Variants in FRMPD1 observed in about 807,000 individuals in gnomAD.
FRMPD1 encodes the protein FERM and PDZ domain containing 1.
Under a neutral mutation model 117.8 loss-of-function variants are expected in FRMPD1, and 76 were observed. The ratio of observed to expected loss-of-function variants is 0.65; its 90% CI spans 0.54 to 0.78. FRMPD1 has a LOEUF of 0.78. FRMPD1 is among the 30% of genes least tolerant of loss of function. The pLI is 0.00. For synonymous variants in FRMPD1, 783 were observed against 770.4 expected (o/e 1.02, Z -0.27); for missense variants, 1,786 against 1,964.5 (o/e 0.91, Z 1.72).
the FRMPD1 span, among the ~76,000 whole-genome samples, chr9:37,639,811 C>T: frequency 2.7e-4 from 41 of 152,184 alleles, no homozygotes; most frequent in Admixed American, 8.5e-4. Context: ...CAGGCATGCA[C>T]CACCAGGCCT....
the FRMPD1 span, chr9:37,637,285 G>GC: frequency 6.5e-7 from 1 of 1,543,820 alleles, no homozygotes; most frequent in Non-Finnish European, 8.9e-7. Context: ...AGTCATATCC[G>GC]GGGTTCATGG....
chr9:37,745,640 A>C lies in FRMPD1; in HGVS notation c.3608A>C (p.Glu1203Ala). 2 of 1,614,180 alleles carry C rather than the reference A, an allele frequency of 1.2e-6. No homozygotes were observed. Among genetic ancestry groups the C allele is most frequent in the Admixed American group, 1.7e-5 (1 of 60,022 alleles). Residue 1203 changes from glutamate to alanine, a missense_variant, in exon 16 of 16, where the codon GAG (glutamate) becomes GCG (alanine). By Grantham distance (107) the Glu-to-Ala change is moderately radical. Transcript: ENST00000377765. ...CQAQEQKLFV[E>A]LDLDPDFFLG... ...GCTCAAGAACAAAAACTATTCGTAG[A>C]GTTGGATTTAGACCCTGATTTCTTT... is the stretch of plus-strand genomic sequence containing the variant.
In FRMPD1 at chr9:37,736,248, G is replaced by A. The variant is rs548560385; in HGVS notation, c.1401+514G>A. On this transcript the variant is annotated intron_variant, in intron 13 of 15. Transcript: ENST00000377765. ...GATCTCCTGACCTCGTGATCCACCC[G>A]CCTTGGCCTCCCAAAGTGCTGGGAT... Among the ~76,000 whole-genome samples the A allele has an allele frequency of 1.6e-4, 24 of 151,900 alleles. No individual in the cohort carries two copies. In the East Asian group the frequency reaches 2.2e-3, roughly 14 times the overall value.
chr9:37,744,746 T>G lies in FRMPD1; in HGVS notation c.2714T>G (p.Leu905Arg), dbSNP rs1451149969. ...CTGGAGACCAAGGCCTTGGGGCTGCTGGCTCCTCTGAGGGAGACCAAGAGC... is the reference window on the plus strand; with the variant it reads ...CTGGAGACCAAGGCCTTGGGGCTGCGGGCTCCTCTGAGGGAGACCAAGAGC... ...GLLETKALGL[L>R]APLRETKSTN... The change falls in exon 16 of 16, where the codon CTG becomes CGG. Residue 905 changes from leucine (L) to arginine (R), a missense_variant. Physicochemically the swap from Leu to Arg is moderately radical, Grantham distance 102. Coordinates refer to ENST00000377765, the MANE Select transcript of FRMPD1 (RefSeq NM_014907.3). 6.2e-7 allele frequency: 1 copy of G among 1,613,972 alleles called. No homozygotes were observed. Among genetic ancestry groups the G allele is most frequent in the Non-Finnish European group, 8.5e-7 (1 of 1,180,004 alleles).
chr9:37,645,100 G>GGAAAA, the FRMPD1 span, among the ~76,000 whole-genome samples: 6 of 119,590 alleles, frequency 5.0e-5, no homozygotes, highest in Admixed American at 8.2e-5. Context: ...TGAGCCAGCA[G>GGAAAA]AAAAAAAAAA....
intron 3 of FRMPD1, 86 bp downstream of exon 3, chr9:37,707,659 C>G (rs951052510): frequency 2.7e-6 from 3 of 1,121,566 alleles, no homozygotes; most frequent in East Asian, 2.4e-5. Flanking sequence ...TATCCTATAA[C>G]AAAATGCAGA....
Position 37,731,055 on chromosome 9 carries a change from G to T in FRMPD1, c.810G>T (p.Leu270=). 6.2e-7 allele frequency: 1 copy of T among 1,613,462 alleles called. No individual in the cohort carries two copies. Among genetic ancestry groups the T allele is most frequent in the Non-Finnish European group, 8.5e-7 (1 of 1,179,400 alleles). Residue 270 remains leucine, a synonymous_variant, in exon 9 of 16, where the codon CTG becomes CTT. Transcript: ENST00000377765. ...FRVCFVPKDP[L]DLLKEDPVAF... ...TCTGTTTTGTTCCCAAGGACCCCCT[G>T]GACCTCCTGAAAGAAGACCCCGTGG...
In FRMPD1 at chr9:37,650,969, C is replaced by CGAGCCCGAGCA. The variant is rs1231096423; in HGVS notation, c.-128_-118dup. 1 of 151,420 alleles carries CGAGCCCGAGCA rather than the reference C, an allele frequency of 6.6e-6. No homozygotes were observed. The highest frequency in any genetic ancestry group is 1.9e-4 in the East Asian group (1 of 5,142). The allele number at this position is 151,420 out of a possible 1,614,324, so 9.4% of individuals were successfully genotyped here. Reference sequence around the variant, plus strand: ...TCGGCGCGGGAGGCGGAGCCCGAGCCGAGCCCGAGCAGCGCTGCTTCCCGA... The same window carrying CGAGCCCGAGCA: ...TCGGCGCGGGAGGCGGAGCCCGAGCCGAGCCCGAGCAGAGCCCGAGCAGCGCTGCTTCCCGA... On this transcript the variant is annotated 5_prime_UTR_variant, in exon 1 of 16. Coordinates refer to ENST00000377765, the MANE Select transcript of FRMPD1 (RefSeq NM_014907.3).
intron 10 of FRMPD1, among the ~76,000 whole-genome samples, chr9:37,733,117 G>C (rs1451405521): frequency 6.6e-6 from 1 of 152,200 alleles, no homozygotes; most frequent in Non-Finnish European, 1.5e-5. Context: ...ATTCACAGGA[G>C]CTCTGCGTTG....
chr9:37,619,323 TTTG>T, the FRMPD1 span, among the ~76,000 whole-genome samples: 1 of 152,212 alleles, frequency 6.6e-6, no homozygotes, highest in African/African-American at 2.4e-5. Flanking sequence ...GTCAGAGATC[TTTG>T]TTATTTCCTT....
chr9:37,635,875 C>T, the FRMPD1 span, among the ~76,000 whole-genome samples: 1 of 152,154 alleles, frequency 6.6e-6, no homozygotes, highest in South Asian at 2.1e-4. Flanking sequence ...GGTGTGCTGC[C>T]TCGGGGAAAG....
At chr9:37,686,758 A>G (rs1821961898) in intron 1 of FRMPD1, among the ~76,000 whole-genome samples, 1 of 152,264 alleles carries the variant, frequency 6.6e-6, no homozygotes, top group East Asian at 1.9e-4. Flanking sequence ...TGTAGTTTGA[A>G]GACCTTCAAA....
At chr9:37,714,218 C>T (rs1823018311) in intron 5 of FRMPD1, among the ~76,000 whole-genome samples, 1 of 152,166 alleles carries the variant, frequency 6.6e-6, no homozygotes, top group South Asian at 2.1e-4. Context: ...GGTGTTAGGT[C>T]CTTTTTGTTT....
Position 37,740,218 on chromosome 9 carries a change from C to T in FRMPD1, c.1690C>T (p.Pro564Ser). 2 of 1,613,948 alleles carry T rather than the reference C, an allele frequency of 1.2e-6. No individual in the cohort carries two copies. The highest frequency in any genetic ancestry group is 1.7e-5 in the Admixed American group (1 of 60,028). The part of the protein sequence containing the change: ...IKEEQPPGNS[P>S]TPEVARRGPS... ...GGAGGAGCAGCCTCCTGGGAACAGC[C>T]CCACACCTGAGGTGGCTAGGAGGGG... The change falls in exon 15 of 16, where the codon CCC (proline) becomes TCC (serine). Residue 564 changes from proline to serine, a missense_variant. By Grantham distance (74) the Pro-to-Ser change is moderately conservative. Coordinates refer to ENST00000377765, the MANE Select transcript of FRMPD1 (RefSeq NM_014907.3). The surrounding 1 kb of genome is among the most constrained non-coding windows in gnomAD (Gnocchi z 4.2).
the FRMPD1 span, among the ~76,000 whole-genome samples, chr9:37,626,711 C>A: frequency 6.7e-6 from 1 of 148,316 alleles, no homozygotes; most frequent in Admixed American, 6.9e-5. Context: ...ATCACCTGAG[C>A]CCAGGTGATA....
At chr9:37,612,478 A>G in the FRMPD1 span, among the ~76,000 whole-genome samples, 1 of 149,392 alleles carries the variant, frequency 6.7e-6, no homozygotes, top group African/African-American at 2.5e-5. Context: ...CCTCCCAAGT[A>G]ACTGGGATTA....
chr9:37,731,729 C>T (rs549649988), intron 9 of FRMPD1, among the ~76,000 whole-genome samples: 1 of 152,174 alleles, frequency 6.6e-6, no homozygotes, highest in African/African-American at 2.4e-5. Context: ...AAAAATTAGC[C>T]AGCCGTGGTG....
rs142868146 is a variant in FRMPD1 at position 37,678,766 on chromosome 9, G to A, written c.-4-13872G>A. On this transcript the variant is annotated intron_variant, in intron 1 of 15. Coordinates refer to ENST00000377765, the MANE Select transcript of FRMPD1 (RefSeq NM_014907.3). ...AATAAATGAAGGAAGTGAAGGTATC[G>A]CAAGACCTGGAGTCACTGCAGAGTC... Among the ~76,000 whole-genome samples, 57 of 152,282 alleles carry A rather than the reference G, an allele frequency of 3.7e-4. No individual in the cohort carries two copies. In the East Asian group the frequency reaches 4.1e-3, roughly 11 times the overall value.
Position 37,710,634 on chromosome 9 carries a change from A to G in FRMPD1, c.363-716A>G, listed in dbSNP as rs140656198. Among the ~76,000 whole-genome samples, 544 of 152,274 alleles carry G rather than the reference A, an allele frequency of 3.6e-3. 3 individuals carry two copies. Among genetic ancestry groups the G allele is most frequent in the African/African-American group, 0.012 (515 of 41,550 alleles). On this transcript the variant is annotated intron_variant, in intron 4 of 15. Coordinates refer to ENST00000377765, the MANE Select transcript of FRMPD1 (RefSeq NM_014907.3). ...TTTAGCCTGAGTTTTATGAAATAGC[A>G]ACCTGAGTTATCTGTGTTATTGCCA...
Sources: gnomAD v4.1 joint callset for allele counts (sites outside exome capture counted in the v4.1 genomes callset) on GRCh38, gnomAD v4.1.1 for gene constraint, Gnocchi (gnomAD v3.1) non-coding constraint, MANE v1.5 for transcripts, NCBI Gene and HGNC (gene_info 2026-07-23, HGNC 2026-07-21) for gene names.